Variants in ATP8B2 observed in about 807,000 individuals in gnomAD.
The protein encoded by ATP8B2 is phospholipid-transporting ATPase ID.
In ATP8B2, 70 loss-of-function variants were observed where a neutral mutation model predicts 133.4. The ratio of observed to expected loss-of-function variants is 0.52; its 90% CI spans 0.43 to 0.64. The LOEUF (loss-of-function observed/expected upper bound fraction) is 0.64. Ranked by LOEUF, ATP8B2 falls within the 30% of genes least tolerant of loss-of-function variation. The pLI is 0.00. For missense variants in ATP8B2, 1,101 were observed against 1,535.7 expected (o/e 0.72, Z 4.73); for synonymous variants, 517 against 589.5 (o/e 0.88, Z 1.78).
In ATP8B2 at chr1:154,346,012, G is replaced by A; in HGVS notation, c.2778+129G>A. On this transcript the variant is annotated intron_variant, in intron 24 of 27. Transcript: ENST00000368489. The surrounding 1 kb of genome is among the most constrained non-coding windows in gnomAD (Gnocchi z 4.5). ...TGGGAAGGCAGTTCTTTCAGCCGGG[G>A]AAGGTGTGGCTGGTTCTCCCTCCTG... 2 of 1,114,818 alleles carry A rather than the reference G, an allele frequency of 1.8e-6. No individual in the cohort carries two copies. Among genetic ancestry groups the A allele is most frequent in the Non-Finnish European group, 2.6e-6 (2 of 757,384 alleles). 69.1% of individuals were successfully genotyped at this position (1,114,818 alleles called of 1,614,324 possible).
In ATP8B2 at chr1:154,331,143, C is replaced by G; in HGVS notation, c.300C>G (p.Asp100Glu). The G allele has an allele frequency of 6.2e-7, 1 of 1,612,440 alleles. No individual in the cohort carries two copies. Among genetic ancestry groups the G allele is most frequent in the Non-Finnish European group, 8.5e-7 (1 of 1,178,514 alleles). Residue 100 changes from aspartate (D) to glutamate (E), a missense_variant, in exon 5 of 28, where the codon GAC becomes GAG. By Grantham distance (45) the Asp-to-Glu change is conservative. Coordinates refer to ENST00000368489, the MANE Select transcript of ATP8B2 (RefSeq NM_001370597.1). This position sits in a 1 kb window ranked among gnomAD's most constrained non-coding sequence, Gnocchi z 4.8. ...TITAVKDATD[D>E]YFRHKSDNQV... ...CAGCTGTTAAAGATGCCACTGATGACTATGTGAGTGGTTTTCATTCTTCTA... is the reference window on the plus strand; with the variant it reads ...CAGCTGTTAAAGATGCCACTGATGAGTATGTGAGTGGTTTTCATTCTTCTA...
chr1:154,340,846 C>A lies in ATP8B2; in HGVS notation c.1035-8C>A. 1 of 1,614,064 alleles carries A rather than the reference C, an allele frequency of 6.2e-7. No individual in the cohort carries two copies. Among genetic ancestry groups the A allele is most frequent in the Non-Finnish European group, 8.5e-7 (1 of 1,179,966 alleles). On this transcript the variant is annotated splice_region_variant and splice_polypyrimidine_tract_variant and intron_variant, in intron 12 of 27. Coordinates refer to ENST00000368489, the MANE Select transcript of ATP8B2 (RefSeq NM_001370597.1). The surrounding 1 kb of genome is among the most constrained non-coding windows in gnomAD (Gnocchi z 4.0). ...CGACCCAAGCCTCACCTCTTGTCCC[C>A]TGTGCAGTGTGGAGGTCATCCGTCT...
At chr1:154,341,245 G>A in intron 13 of ATP8B2, 183 bp downstream of exon 13, 1 of 690,054 alleles carries the variant, frequency 1.4e-6, no homozygotes, top group South Asian at 1.6e-5. Flanking sequence ...AGCACTTTGG[G>A]AGGCTGAGGT....
At position 154,345,233 on chromosome 1, in the gene ATP8B2, A is replaced by C; in HGVS notation, c.2470+79A>C. On this transcript the variant is annotated intron_variant, in intron 22 of 27. Coordinates refer to ENST00000368489, the MANE Select transcript of ATP8B2 (RefSeq NM_001370597.1). The surrounding 1 kb of genome is among the most constrained non-coding windows in gnomAD (Gnocchi z 5.6). ...CACTGAGGTCTCTGGACTGCAGAAG[A>C]ATGACGGGAAGGGGGTTGTAACTTG... The C allele has an allele frequency of 6.2e-7, 1 of 1,600,940 alleles. No homozygotes were observed.
Position 154,344,968 on chromosome 1 carries a change from C to A in ATP8B2, c.2287-3C>A. 1 of 1,609,486 alleles carries A rather than the reference C, an allele frequency of 6.2e-7. No homozygotes were observed. ...GGCTCTCTCAGGTTTCTCTGTGCTC[C>A]AGGCCCACGCACTGGAGGCAGACAT... On this transcript the variant is annotated splice_region_variant and splice_polypyrimidine_tract_variant and intron_variant, in intron 21 of 27. Coordinates refer to ENST00000368489, the MANE Select transcript of ATP8B2 (RefSeq NM_001370597.1). This position sits in a 1 kb window ranked among gnomAD's most constrained non-coding sequence, Gnocchi z 4.1.
At chr1:154,326,932 A>G (rs1685811163) in intron 1 of ATP8B2, among the ~76,000 whole-genome samples, 1 of 152,174 alleles carries the variant, frequency 6.6e-6, no homozygotes, top group Non-Finnish European at 1.5e-5. Context: ...CATCTCTAAA[A>G]TATGGATGAG....
chr1:154,346,301 A>G lies in ATP8B2; in HGVS notation c.2849A>G (p.Asn950Ser), dbSNP rs78278267. 4 of 1,614,120 alleles carry G rather than the reference A, an allele frequency of 2.5e-6. No homozygotes were observed. The East Asian group carries it at 6.7e-5, about 27-fold the overall frequency. ...YEPGQLNLLF[N>S]KREFFICIAQ... ...CCGGGCCAGCTGAACCTTCTCTTCA[A>G]CAAGCGGGAGTTCTTCATCTGCATC... The change falls in exon 25 of 28, where the codon AAC (asparagine) becomes AGC (serine). Residue 950 changes from asparagine to serine, a missense_variant. Transcript: ENST00000368489. The surrounding 1 kb of genome is among the most constrained non-coding windows in gnomAD (Gnocchi z 4.5).
chr1:154,344,869 CCT>C lies in ATP8B2; in HGVS notation c.2286+85_2286+86del, dbSNP rs1553297165. On this transcript the variant is annotated intron_variant, in intron 21 of 27. Coordinates refer to ENST00000368489, the MANE Select transcript of ATP8B2 (RefSeq NM_001370597.1). The surrounding 1 kb of genome is among the most constrained non-coding windows in gnomAD (Gnocchi z 4.1). ...GCTTTTATATCTTGTTCTAATTTCC[CCT>C]GATTTCAGAGAAGACTGGTCTCAAA... The C allele has an allele frequency of 6.5e-7, 1 of 1,544,298 alleles. No individual in the cohort carries two copies. Among genetic ancestry groups the C allele is most frequent in the Non-Finnish European group, 8.7e-7 (1 of 1,144,160 alleles).
At position 154,348,713 on chromosome 1, in the gene ATP8B2, T is replaced by C. The variant is rs955460857; in HGVS notation, c.3295-127T>C. ...GGCCACAGAGGCCTCTGCGTCAGCC[T>C]GGTCCCAGGTGCTGTGGGTCGGAGG... On this transcript the variant is annotated intron_variant, in intron 27 of 27. Transcript: ENST00000368489. 5 of 1,379,470 alleles carry C rather than the reference T, an allele frequency of 3.6e-6. No homozygotes were observed. In the African/African-American group the frequency reaches 8.7e-5, roughly 24 times the overall value. 85.5% of individuals were successfully genotyped at this position (1,379,470 alleles called of 1,614,324 possible).
chr1:154,341,774 CAA>C (rs1431777883), intron 13 of ATP8B2: 2 of 146,202 alleles, frequency 1.4e-5, no homozygotes, highest in Non-Finnish European at 3.0e-5. Flanking sequence ...GCCTGGGCGA[CAA>C]GAGTGAAAGT....
Position 154,348,997 on chromosome 1 carries a change from C to G in ATP8B2, c.3452C>G (p.Ser1151Cys). 6.2e-7 allele frequency: 1 copy of G among 1,614,250 alleles called. No homozygotes were observed. Among genetic ancestry groups the G allele is most frequent in the Non-Finnish European group, 8.5e-7 (1 of 1,180,046 alleles). Residue 1151 changes from serine (S) to cysteine (C), a missense_variant, in exon 28 of 28, where the codon TCT (serine) becomes TGT (cysteine). Physicochemically the swap from Ser to Cys is moderately radical, Grantham distance 112 (BLOSUM62 -1). Coordinates refer to ENST00000368489, the MANE Select transcript of ATP8B2 (RefSeq NM_001370597.1). ...TCTGGCAAGAACATGCGGCTGAGCT[C>G]TCTCGCGCTCTCCAGCTTCACCACC... Reference protein sequence around the residue: ...IMSGKNMRLSSLALSSFTTRS... With the variant: ...IMSGKNMRLSCLALSSFTTRS...
intron 12 of ATP8B2, 45 bp downstream of exon 12, chr1:154,337,589 G>A (rs181346328): frequency 1.2e-6 from 2 of 1,614,160 alleles, no homozygotes; most frequent in Middle Eastern, 1.6e-4. Flanking sequence ...GAGTCAGGCG[G>A]TCCCATAGAA....
chr1:154,337,804 G>C (rs761060717), intron 12 of ATP8B2: 270 of 1,356,842 alleles, frequency 2.0e-4, no homozygotes, highest in Non-Finnish European at 2.6e-4. Context: ...TGTGTACAAA[G>C]AAGTGTGCTA....
intron 11 of ATP8B2, among the ~76,000 whole-genome samples, chr1:154,336,166 G>A (rs909320948): frequency 6.6e-6 from 1 of 152,074 alleles, no homozygotes; most frequent in Non-Finnish European, 1.5e-5. Context: ...TATGTTAAAA[G>A]TAGCTCATCC....
chr1:154,337,188 C>T (rs1686216890), intron 11 of ATP8B2, among the ~76,000 whole-genome samples, 160 bp from the exon 12 acceptor site: 1 of 151,372 alleles, frequency 6.6e-6, no homozygotes, highest in Non-Finnish European at 1.5e-5. Context: ...GTTTATGAAT[C>T]TGTGTTGGGC....
Position 154,346,873 on chromosome 1 carries a change from T to TTTTTTTTA in ATP8B2, c.3163+118_3163+119insTTTTATTT. ...TCTTATGTGCCAAGTATTCTGTTTA[T>TTTTTTTTA]TTTATTTATTTATTTATTTATTTTC... On this transcript the variant is annotated intron_variant, in intron 26 of 27. Transcript: ENST00000368489. The surrounding 1 kb of genome is among the most constrained non-coding windows in gnomAD (Gnocchi z 4.5). 1 of 1,012,860 alleles carries TTTTTTTTA rather than the reference T, an allele frequency of 9.9e-7. No homozygotes were observed. Among genetic ancestry groups the TTTTTTTTA allele is most frequent in the Non-Finnish European group, 1.4e-6 (1 of 731,180 alleles). The allele number at this position is 1,012,860 out of a possible 1,614,324, so 62.7% of individuals were successfully genotyped here. A position where few individuals can be genotyped will look rare whatever the true frequency, so the allele number is the denominator to read the frequency against.
chr1:154,346,178 G>T lies in ATP8B2; in HGVS notation c.2779-53G>T. On this transcript the variant is annotated intron_variant, in intron 24 of 27. Transcript: ENST00000368489. This position sits in a 1 kb window ranked among gnomAD's most constrained non-coding sequence, Gnocchi z 4.5. ...TCAGAGTCTGCCCTTGGTCATCCAGGGTCAAAACGGCAACCTCTGAGGCCC... is the reference window on the plus strand; with the variant it reads ...TCAGAGTCTGCCCTTGGTCATCCAGTGTCAAAACGGCAACCTCTGAGGCCC... The T allele has an allele frequency of 6.3e-7, 1 of 1,588,816 alleles. No homozygotes were observed. Among genetic ancestry groups the T allele is most frequent in the Non-Finnish European group, 8.6e-7 (1 of 1,166,204 alleles).
chr1:154,330,693 A>T, intron 3 of ATP8B2, 122 bp from the exon 4 acceptor site: 1 of 860,846 alleles, frequency 1.2e-6, no homozygotes, highest in Non-Finnish European at 1.9e-6. Flanking sequence ...CCCCTCCCAC[A>T]CCTGTGTTTG....
rs148837394 is a variant in ATP8B2, at chr1:154,343,272, A to G, written c.1613A>G (p.Asn538Ser). 679 of 1,614,078 alleles carry G rather than the reference A, an allele frequency of 4.2e-4. No individual in the cohort carries two copies. Among genetic ancestry groups the G allele is most frequent in the Non-Finnish European group, 5.5e-4 (646 of 1,180,006 alleles). Residue 538 changes from asparagine (N) to serine (S), a missense_variant, in exon 16 of 28, where the codon AAC (asparagine) becomes AGC (serine). Transcript: ENST00000368489. The surrounding 1 kb of genome is among the most constrained non-coding windows in gnomAD (Gnocchi z 5.8). ...TYQLLAILDFNNIRKRMSVIV... is the reference protein window; with the variant it reads ...TYQLLAILDFSNIRKRMSVIV... ...CAGCTGCTGGCCATCCTGGACTTCA[A>G]CAACATCCGCAAGCGGATGTCGGTC... is the stretch of plus-strand genomic sequence containing the variant.
Sources: gnomAD v4.1 joint callset for allele counts (sites outside exome capture counted in the v4.1 genomes callset) on GRCh38, gnomAD v4.1.1 for gene constraint, Gnocchi (gnomAD v3.1) non-coding constraint, MANE v1.5 for transcripts, NCBI Gene and HGNC (gene_info 2026-07-23, HGNC 2026-07-21) for gene names.